Variants in GLIS3 observed in about 807,000 individuals in gnomAD.
The protein encoded by GLIS3 is zinc finger protein GLIS3.
Under a neutral mutation model 78.6 loss-of-function variants are expected in GLIS3, and 53 were observed. That is an observed-to-expected ratio of 0.67 (90% CI 0.54 to 0.85). The LOEUF is 0.85. GLIS3 is among the 40% of genes least tolerant of loss of function. The probability of loss-of-function intolerance (pLI) is 0.00; values close to 1 mark genes in which losing one functional copy is unlikely to be tolerated. For synonymous variants in GLIS3, 684 were observed against 509.9 expected (o/e 1.34, Z -4.60); for missense variants, 1,703 against 1,231.1 (o/e 1.38, Z -5.74).
intron 4 of GLIS3, among the ~76,000 whole-genome samples, chr9:4,065,447 G>C (rs1345132766): frequency 1.3e-5 from 2 of 152,078 alleles, no homozygotes; most frequent in East Asian, 3.8e-4. Context: ...CTGTAAAACA[G>C]CCAAAGTGAG....
At chr9:4,253,782 G>C (rs1184167017) in intron 2 of GLIS3, among the ~76,000 whole-genome samples, 2 of 152,212 alleles carry the variant, frequency 1.3e-5, no homozygotes, top group African/African-American at 4.8e-5. Flanking sequence ...TGAAGACCAT[G>C]GGAAAAGCGC....
the GLIS3 span, among the ~76,000 whole-genome samples, chr9:4,367,633 CAAAAA>C: frequency 2.0e-3 from 121 of 61,992 alleles, no homozygotes; most frequent in Non-Finnish European, 3.3e-3. Context: ...GACTCCATCT[CAAAAA>C]AAAAAAAAAA....
intron 2 of GLIS3, among the ~76,000 whole-genome samples, chr9:4,265,288 T>C (rs1825890419): frequency 6.6e-6 from 1 of 152,088 alleles, no homozygotes; most frequent in Admixed American, 6.5e-5. Context: ...ATGCGCTACT[T>C]AACATAGTAG....
At chr9:4,304,836 T>A (rs1387667812), upstream of GLIS3, among the ~76,000 whole-genome samples, 1 of 152,190 alleles carries the variant, frequency 6.6e-6, no homozygotes, top group Non-Finnish European at 1.5e-5. Context: ...AATCCTAACT[T>A]CTTACGATGT....
At chr9:4,075,466 C>G (rs893146842) in intron 4 of GLIS3, among the ~76,000 whole-genome samples, 37 of 149,464 alleles carry the variant, frequency 2.5e-4, no homozygotes, top group Non-Finnish European at 1.8e-4. Flanking sequence ...CTCCCAGCTA[C>G]TCGGGAGGCT....
the GLIS3 span, among the ~76,000 whole-genome samples, chr9:4,362,315 G>A: frequency 1.3e-5 from 2 of 152,100 alleles, no homozygotes; most frequent in Admixed American, 6.5e-5. Flanking sequence ...AGCTAGGAAG[G>A]AATCTCTCAT....
At chr9:4,439,409 T>G in the GLIS3 span, among the ~76,000 whole-genome samples, 6 of 152,128 alleles carry the variant, frequency 3.9e-5, no homozygotes, top group African/African-American at 1.4e-4. Flanking sequence ...TTTCCCCATT[T>G]CTCTTCTTCT....
chr9:3,955,074 G>A (rs571590087), intron 4 of GLIS3, among the ~76,000 whole-genome samples: 6 of 152,322 alleles, frequency 3.9e-5, no homozygotes, highest in African/African-American at 1.4e-4. Flanking sequence ...GGGACAGGCT[G>A]GGGAGAGAGA....
In GLIS3 at chr9:4,022,373, T is replaced by C. The variant is rs114813744; in HGVS notation, c.1711-85184A>G. Among the ~76,000 whole-genome samples, 230 of 152,342 alleles carry C rather than the reference T, an allele frequency of 1.5e-3. 2 individuals carry two copies. The highest frequency in any genetic ancestry group is 5.5e-3 in the African/African-American group (227 of 41,588). Reference sequence around the variant, plus strand: ...TAAGAGCATATTTTATAAAAGCACATTTTCAGCATGCGTTTTTAATGGAAA... The same window carrying C: ...TAAGAGCATATTTTATAAAAGCACACTTTCAGCATGCGTTTTTAATGGAAA... On this transcript the variant is annotated intron_variant, in intron 4 of 10. Coordinates refer to ENST00000381971, the MANE Select transcript of GLIS3 (RefSeq NM_001042413.2).
At chr9:4,370,032 A>T in the GLIS3 span, among the ~76,000 whole-genome samples, 1 of 152,026 alleles carries the variant, frequency 6.6e-6, no homozygotes, top group Non-Finnish European at 1.5e-5. Flanking sequence ...TCTGTACTAA[A>T]AATACAAAAA....
In GLIS3 at chr9:4,238,562, T is replaced by G. The variant is rs545721108; in HGVS notation, c.388+47476A>C. Among the ~76,000 whole-genome samples, 148 of 152,324 alleles carry G rather than the reference T, an allele frequency of 9.7e-4. 1 individual carries two copies. Among genetic ancestry groups the G allele is most frequent in the African/African-American group, 3.4e-3 (141 of 41,574 alleles). On this transcript the variant is annotated intron_variant, in intron 2 of 10. Coordinates refer to ENST00000381971, the MANE Select transcript of GLIS3 (RefSeq NM_001042413.2). ...GCTACCTGAACTCAGAAGGCCCGTG[T>G]GAAGCAACCAAAGAAAGCTTAACCC...
intron 8 of GLIS3, among the ~76,000 whole-genome samples, chr9:3,858,858 T>A (rs1002675274): frequency 2.1e-4 from 32 of 152,332 alleles, no homozygotes; most frequent in African/African-American, 7.7e-4. Flanking sequence ...AGTGTATATA[T>A]AGGATTGATT....
intron 4 of GLIS3, among the ~76,000 whole-genome samples, chr9:3,968,689 C>T (rs1466203779): frequency 6.6e-6 from 1 of 151,888 alleles, no homozygotes; most frequent in African/African-American, 2.4e-5. Flanking sequence ...ATCCAGGAAA[C>T]TACATAAATG....
At chr9:4,074,757 T>C (rs1418765669) in intron 4 of GLIS3, among the ~76,000 whole-genome samples, 3 of 152,176 alleles carry the variant, frequency 2.0e-5, no homozygotes, top group Non-Finnish European at 4.4e-5. Flanking sequence ...CATTTCAGCC[T>C]CCTGGTCTCA....
chr9:4,314,053 A>C (rs1176798501), intron 2 of GLIS3, among the ~76,000 whole-genome samples: 1 of 152,226 alleles, frequency 6.6e-6, no homozygotes, highest in Non-Finnish European at 1.5e-5. Context: ...AGCCAACTCT[A>C]GCGTTTATTA....
intron 4 of GLIS3, among the ~76,000 whole-genome samples, chr9:3,957,223 C>A (rs144956304): frequency 2.0e-5 from 3 of 152,144 alleles, no homozygotes; most frequent in Non-Finnish European, 4.4e-5. Context: ...AGCCCTTTCC[C>A]GAGAGTGTTT....
At chr9:3,884,924 G>A (rs1029928523) in intron 7 of GLIS3, among the ~76,000 whole-genome samples, 1 of 152,138 alleles carries the variant, frequency 6.6e-6, no homozygotes, top group African/African-American at 2.4e-5. Flanking sequence ...TGTTTGCAAA[G>A]GCTGCTTGTT....
chr9:4,137,961 C>G (rs566886219), intron 2 of GLIS3, among the ~76,000 whole-genome samples: 3 of 152,220 alleles, frequency 2.0e-5, no homozygotes, highest in Non-Finnish European at 2.9e-5. Flanking sequence ...AACAAGTACT[C>G]TGAAAAACTG....
the GLIS3 span, among the ~76,000 whole-genome samples, chr9:4,483,720 T>TG: frequency 8.7e-5 from 12 of 137,348 alleles, no homozygotes; most frequent in African/African-American, 3.2e-4. Flanking sequence ...GACTTCGTCT[T>TG]GGGAAAAAAA....
Sources: allele counts gnomAD v4.1 joint callset (sites outside exome capture counted in the v4.1 genomes callset), GRCh38; gene constraint gnomAD v4.1.1; transcripts MANE v1.5; gene names NCBI Gene and HGNC (gene_info 2026-07-23, HGNC 2026-07-21).